The following C8orf88 variants were observed in gnomAD, a reference collection of about 807,000 sequenced individuals.
C8orf88 encodes uncharacterized protein C8orf88.
In C8orf88, 14 loss-of-function variants were observed where a neutral mutation model predicts 18.4. That is an observed-to-expected ratio of 0.76 (90% CI 0.50 to 1.19). The LOEUF is 1.19. Among genes scored for constraint, C8orf88 ranks in the 50% most tolerant of loss-of-function variants. The pLI is 0.00. For missense variants in C8orf88, 116 were observed against 134.7 expected (o/e 0.86, Z 0.69); for synonymous variants, 45 against 42.9 (o/e 1.05, Z -0.19).
chr8:90,960,675 G>T, intron 5 of C8orf88, 67 bp downstream of exon 5: 1 of 877,600 alleles, frequency 1.1e-6, no homozygotes, highest in Non-Finnish European at 1.7e-6. Flanking sequence ...GGTAGAGTCT[G>T]ATGAAAATGT....
intron 1 of C8orf88, among the ~76,000 whole-genome samples, chr8:90,982,180 T>C (rs1811443518): frequency 6.6e-6 from 1 of 152,088 alleles, no homozygotes; most frequent in Non-Finnish European, 1.5e-5. Context: ...GTGGCAAAAC[T>C]AATGCTCTCT....
At chr8:90,979,794 T>G (rs1220410548) in intron 2 of C8orf88, among the ~76,000 whole-genome samples, 1 of 152,154 alleles carries the variant, frequency 6.6e-6, no homozygotes, top group Non-Finnish European at 1.5e-5. Flanking sequence ...ACCAGGTATT[T>G]CAGGAATTTC....
chr8:90,979,379 C>T (rs1467924064), intron 2 of C8orf88, among the ~76,000 whole-genome samples: 1 of 152,160 alleles, frequency 6.6e-6, no homozygotes, highest in African/African-American at 2.4e-5. Context: ...AAATTTGAGA[C>T]TTGACCCTAC....
chr8:90,963,727 A>G (rs2130302479), intron 4 of C8orf88, among the ~76,000 whole-genome samples: 1 of 151,818 alleles, frequency 6.6e-6, no homozygotes, highest in South Asian at 2.1e-4. Flanking sequence ...AGAAAGAATC[A>G]GCAAATTTAA....
chr8:90,985,289 G>C (rs1385923502), upstream of C8orf88: 3 of 149,164 alleles, frequency 2.0e-5, no homozygotes, highest in Admixed American at 2.0e-4. Context: ...GGGCGGGGCG[G>C]GAGGCGGCTC....
chr8:90,979,642 A>G (rs989609590), intron 2 of C8orf88, among the ~76,000 whole-genome samples: 2 of 152,214 alleles, frequency 1.3e-5, no homozygotes, highest in Non-Finnish European at 2.9e-5. Flanking sequence ...TCCCATTTAT[A>G]AGTAGTAATT....
At chr8:90,972,328 A>G (rs1380639425) in intron 3 of C8orf88, among the ~76,000 whole-genome samples, 1 of 151,112 alleles carries the variant, frequency 6.6e-6, no homozygotes, top group South Asian at 2.1e-4. Context: ...AGTAGAGGAG[A>G]AAAAAATGGA....
intron 1 of C8orf88, among the ~76,000 whole-genome samples, chr8:90,982,717 G>C (rs1263476939): frequency 6.6e-6 from 1 of 152,028 alleles, no homozygotes; most frequent in Non-Finnish European, 1.5e-5. Context: ...ATCCACATCA[G>C]TTAAGGAAAT....
intron 4 of C8orf88, among the ~76,000 whole-genome samples, chr8:90,961,916 A>G (rs2130300293): frequency 6.6e-6 from 1 of 151,636 alleles, no homozygotes; most frequent in East Asian, 1.9e-4. Flanking sequence ...TTAAAAAATA[A>G]GAAGACCCTA....
intron 4 of C8orf88, among the ~76,000 whole-genome samples, chr8:90,965,326 T>C (rs968828777): frequency 6.6e-6 from 1 of 151,782 alleles, no homozygotes; most frequent in African/African-American, 2.4e-5. Context: ...ATCAAGAAGA[T>C]ATAAGAATTG....
intron 1 of C8orf88, among the ~76,000 whole-genome samples, chr8:90,984,899 C>A (rs555878766): frequency 1.3e-5 from 2 of 152,180 alleles, no homozygotes; most frequent in Admixed American, 6.5e-5. Context: ...ACTTTCTTTC[C>A]CCTCATCCGA....
At chr8:90,980,974 G>A (rs1403005186) in intron 1 of C8orf88, among the ~76,000 whole-genome samples, 2 of 151,984 alleles carry the variant, frequency 1.3e-5, no homozygotes, top group African/African-American at 4.8e-5. Context: ...CTCTTCTTCT[G>A]TCTTTCTTCC....
chr8:90,966,201 T>A (rs1811193829), intron 4 of C8orf88, among the ~76,000 whole-genome samples: 1 of 151,540 alleles, frequency 6.6e-6, no homozygotes, highest in Non-Finnish European at 1.5e-5. Context: ...ATGTCCTTTG[T>A]AGGGACATGG....
At chr8:90,984,596 G>T (rs1019025800) in intron 1 of C8orf88, among the ~76,000 whole-genome samples, 1 of 152,078 alleles carries the variant, frequency 6.6e-6, no homozygotes, top group Admixed American at 6.5e-5. Flanking sequence ...CTATTTGAGG[G>T]ATTTCTCAAA....
At chr8:90,971,294 C>T (rs762720826) in intron 3 of C8orf88, among the ~76,000 whole-genome samples, 153 bp from the exon 4 acceptor site, 23 of 151,670 alleles carry the variant, frequency 1.5e-4, no homozygotes, top group Non-Finnish European at 3.1e-4. Flanking sequence ...TTAAAATGAG[C>T]GACAAAAACA....
chr8:90,976,158 CA>C (rs1475351858), intron 3 of C8orf88, among the ~76,000 whole-genome samples: 6 of 151,846 alleles, frequency 4.0e-5, no homozygotes, highest in African/African-American at 1.5e-4. Flanking sequence ...TAAATTATTG[CA>C]AGGGGATATA....
intron 3 of C8orf88, among the ~76,000 whole-genome samples, chr8:90,973,767 A>G (rs1811312989): frequency 6.6e-6 from 1 of 152,166 alleles, no homozygotes; most frequent in Non-Finnish European, 1.5e-5. Context: ...TACAAGTGTG[A>G]GCACCCCATC....
At chr8:90,969,327 C>T (rs1811251407) in intron 4 of C8orf88, among the ~76,000 whole-genome samples, 1 of 151,684 alleles carries the variant, frequency 6.6e-6, no homozygotes, top group Non-Finnish European at 1.5e-5. Context: ...ACATGATGAA[C>T]CTTGAAAACC....
intron 4 of C8orf88, among the ~76,000 whole-genome samples, chr8:90,965,602 G>C (rs993127121): frequency 6.6e-6 from 1 of 151,624 alleles, no homozygotes; most frequent in African/African-American, 2.4e-5. Flanking sequence ...CCACACACAT[G>C]GAACATTCTC....
Sources: allele counts gnomAD v4.1 joint callset (sites outside exome capture counted in the v4.1 genomes callset), GRCh38; gene constraint gnomAD v4.1.1; transcripts MANE v1.5; gene names NCBI Gene and HGNC (gene_info 2026-07-23, HGNC 2026-07-21).